The following ASTN2 variants were observed in gnomAD, a reference collection of about 807,000 sequenced individuals.
ASTN2 encodes astrotactin 2, also known as astrotactin-2.
In ASTN2, 54 loss-of-function variants were observed where a neutral mutation model predicts 139.8. The ratio of observed to expected loss-of-function variants is 0.39; its 90% CI spans 0.31 to 0.48. The LOEUF (loss-of-function observed/expected upper bound fraction) is 0.48, where lower values mean the gene tolerates loss of function less well. Among genes scored for constraint, ASTN2 ranks in the 20% least tolerant of loss-of-function variants. The probability of loss-of-function intolerance (pLI) is 0.95; values close to 1 mark genes in which losing one functional copy is unlikely to be tolerated. For synonymous variants in ASTN2, 756 were observed against 719.5 expected (o/e 1.05, Z -0.81); for missense variants, 1,565 against 1,725.1 (o/e 0.91, Z 1.64).
intron 3 of ASTN2, among the ~76,000 whole-genome samples, chr9:117,151,435 G>A (rs1025895328): frequency 6.6e-6 from 1 of 152,088 alleles, no homozygotes; most frequent in African/African-American, 2.4e-5. Context: ...TGTATCCAGG[G>A]CCAGGCACTG....
chr9:116,431,434 T>C (rs1285092495), intron 22 of ASTN2, among the ~76,000 whole-genome samples: 1 of 152,098 alleles, frequency 6.6e-6, no homozygotes, highest in Non-Finnish European at 1.5e-5. Context: ...AGGGAAGTAA[T>C]GGCTTCATTC....
At chr9:117,370,490 A>G (rs1484166623) in intron 1 of ASTN2, among the ~76,000 whole-genome samples, 2 of 152,176 alleles carry the variant, frequency 1.3e-5, no homozygotes, top group Non-Finnish European at 2.9e-5. Flanking sequence ...GCCTTCTTCA[A>G]TCTTCCAAAG....
chr9:117,177,451 T>C (rs2132938536), intron 3 of ASTN2, among the ~76,000 whole-genome samples: 1 of 152,234 alleles, frequency 6.6e-6, no homozygotes, highest in East Asian at 1.9e-4. Flanking sequence ...ACAGAAATAG[T>C]TTCATCATCT....
At position 117,206,470 on chromosome 9, in the gene ASTN2, T is replaced by G. The variant is rs143078390; in HGVS notation, c.1015+7888A>C. ...TGTCCTGGATTAGAAGCACAGCATG[T>G]GTACTTCTCACTTCCACCCACCATG... is the stretch of plus-strand genomic sequence containing the variant. On this transcript the variant is annotated intron_variant, in intron 3 of 22. Coordinates refer to ENST00000313400, the MANE Select transcript of ASTN2 (RefSeq NM_001365068.1). Among the ~76,000 whole-genome samples, 13 of 152,220 alleles carry G rather than the reference T, an allele frequency of 8.5e-5. No individual in the cohort carries two copies. The East Asian group carries it at 2.5e-3, about 29-fold the overall frequency.
At chr9:117,094,153 AGAAAGGGAGGAAGGG>A in intron 5 of ASTN2, among the ~76,000 whole-genome samples, 1 of 117,322 alleles carries the variant, frequency 8.5e-6, no homozygotes, top group African/African-American at 3.4e-5. Flanking sequence ...GGAGGGAGGG[AGAAAGGGAGGAAGGG>A]AGGAAGGGAG....
At chr9:116,790,677 A>ACT (rs1554746753) in intron 13 of ASTN2, among the ~76,000 whole-genome samples, 1 of 138,216 alleles carries the variant, frequency 7.2e-6, no homozygotes, top group Non-Finnish European at 1.6e-5. Flanking sequence ...ATCTCCAGAG[A>ACT]TTTTTTTTTT....
chr9:117,025,294 A>C (rs143206541), intron 6 of ASTN2, among the ~76,000 whole-genome samples: 1 of 152,292 alleles, frequency 6.6e-6, no homozygotes, highest in East Asian at 1.9e-4. Flanking sequence ...ACACTTTAGA[A>C]AACTGCCAAC....
intron 3 of ASTN2, among the ~76,000 whole-genome samples, chr9:117,153,243 A>G (rs1830362320): frequency 6.6e-6 from 1 of 152,012 alleles, no homozygotes; most frequent in African/African-American, 2.4e-5. Flanking sequence ...ATGAAGAAGG[A>G]AGAATGACTC....
intron 11 of ASTN2, among the ~76,000 whole-genome samples, chr9:116,851,141 T>C (rs1391981149): frequency 1.3e-5 from 2 of 152,172 alleles, no homozygotes; most frequent in African/African-American, 2.4e-5. Flanking sequence ...TCTAGTTTGA[T>C]AAGATGTGCT....
At chr9:116,926,460 T>C (rs1328518714) in intron 10 of ASTN2, among the ~76,000 whole-genome samples, 2 of 152,190 alleles carry the variant, frequency 1.3e-5, no homozygotes, top group Non-Finnish European at 2.9e-5. Flanking sequence ...TTTTGGTCCC[T>C]GCCTTCATGT....
chr9:117,128,655 C>T (rs1169407058), intron 4 of ASTN2, among the ~76,000 whole-genome samples: 1 of 152,190 alleles, frequency 6.6e-6, no homozygotes, highest in African/African-American at 2.4e-5. Context: ...TAAACTCCTC[C>T]ATAGTTAGCT....
intron 19 of ASTN2, chr9:116,546,122 T>A (rs1413984850): frequency 6.6e-6 from 1 of 152,196 alleles, no homozygotes; most frequent in Non-Finnish European, 1.5e-5. Flanking sequence ...GGAGACAACC[T>A]GAGTCTTCTG....
intron 11 of ASTN2, among the ~76,000 whole-genome samples, chr9:116,862,192 C>T (rs1322520125): frequency 6.6e-6 from 1 of 152,140 alleles, no homozygotes; most frequent in Non-Finnish European, 1.5e-5. Context: ...TGTAGCTGCA[C>T]TAAGGGCCAA....
chr9:116,894,859 A>G (rs561826072), intron 10 of ASTN2, among the ~76,000 whole-genome samples: 2 of 152,328 alleles, frequency 1.3e-5, no homozygotes, highest in Admixed American at 6.5e-5. Context: ...CTGACACCCA[A>G]ACCTCTGCAA....
At chr9:116,976,892 GA>G (rs753031413) in intron 7 of ASTN2, 107 bp from the exon 8 acceptor site, 83 of 922,212 alleles carry the variant, frequency 9.0e-5, no homozygotes, top group Non-Finnish European at 1.3e-4. Flanking sequence ...CTTAGTTTTA[GA>G]AAAGGCACAT....
intron 19 of ASTN2, among the ~76,000 whole-genome samples, chr9:116,498,579 T>C (rs551813960): frequency 1.1e-4 from 17 of 150,666 alleles, no homozygotes; most frequent in South Asian, 2.1e-4. Flanking sequence ...GCCTGGGCAA[T>C]AGAGTGAGAC....
intron 16 of ASTN2, among the ~76,000 whole-genome samples, chr9:116,686,227 G>C (rs1234214991): frequency 1.3e-5 from 2 of 152,086 alleles, no homozygotes; most frequent in Non-Finnish European, 2.9e-5. Context: ...CCAACACTTA[G>C]GTATATGTGG....
chr9:116,696,624 A>G (rs1426287736), intron 16 of ASTN2, among the ~76,000 whole-genome samples: 1 of 152,128 alleles, frequency 6.6e-6, no homozygotes, highest in African/African-American at 2.4e-5. Context: ...ATGACTCCTC[A>G]ACCCCCATCA....
chr9:117,003,552 T>TGTGTGTGTGTGTGTGTGTGTGA (rs1206859088), intron 7 of ASTN2, among the ~76,000 whole-genome samples: 1 of 150,020 alleles, frequency 6.7e-6, no homozygotes, highest in Non-Finnish European at 1.5e-5. Context: ...TGTGTGTGTG[T>TGTGTGTGTGTGTGTGTGTGTGA]GTATTTAAAT....
Sources: allele counts gnomAD v4.1 joint callset (sites outside exome capture counted in the v4.1 genomes callset), GRCh38; gene constraint gnomAD v4.1.1; transcripts MANE v1.5; gene names NCBI Gene and HGNC (gene_info 2026-07-23, HGNC 2026-07-21).